Variants in BOLL observed in about 807,000 individuals in gnomAD.
BOLL encodes boule RNA binding protein.
In BOLL, 23 loss-of-function variants were observed where a neutral mutation model predicts 44.4. The observed-to-expected ratio is 0.52, with a 90% confidence interval of 0.37 to 0.73. The LOEUF (loss-of-function observed/expected upper bound fraction) is 0.73, where lower values mean the gene tolerates loss of function less well. Among genes scored for constraint, BOLL ranks in the 30% least tolerant of loss-of-function variants. The pLI is 0.00. For missense variants in BOLL, 287 were observed against 338.3 expected (o/e 0.85, Z 1.19); for synonymous variants, 97 against 110.8 (o/e 0.88, Z 0.78).
chr2:197,749,837 C>T (rs1281068687), intron 9 of BOLL, among the ~76,000 whole-genome samples: 2 of 152,046 alleles, frequency 1.3e-5, no homozygotes, highest in African/African-American at 4.8e-5. Flanking sequence ...GGAGAACTTC[C>T]TCAACCTAGC....
At position 197,746,189 on chromosome 2, in the gene BOLL, C is replaced by T. The variant is rs555456540; in HGVS notation, c.730-3030G>A. Among the ~76,000 whole-genome samples, 25 of 152,254 alleles carry T rather than the reference C, an allele frequency of 1.6e-4. No homozygotes were observed. The East Asian group carries it at 2.3e-3, about 14-fold the overall frequency. On this transcript the variant is annotated intron_variant, in intron 9 of 10. Coordinates refer to ENST00000392296, the MANE Select transcript of BOLL (RefSeq NM_033030.6). Reference sequence around the variant, plus strand: ...GTGGAGGAAAGGGAATCCTTGTACACTGCTGGTGGGAATGTAAATTAGTAT... The same window carrying T: ...GTGGAGGAAAGGGAATCCTTGTACATTGCTGGTGGGAATGTAAATTAGTAT...
At chr2:197,760,758 C>T (rs948437363) in intron 7 of BOLL, among the ~76,000 whole-genome samples, 2 of 151,824 alleles carry the variant, frequency 1.3e-5, no homozygotes, top group African/African-American at 4.9e-5. Context: ...CTAGCAGATT[C>T]AATCTAAACA....
rs112208254 is a variant in BOLL at position 197,729,257 on chromosome 2, G to T, written c.829-679C>A. ...CGGGTCACTACTGCGCTTTTCCGAC[G>T]GGCTTAAAAAACGGCGCACCACGAG... On this transcript the variant is annotated intron_variant, in intron 10 of 10. Transcript: ENST00000392296. Among the ~76,000 whole-genome samples, 12 of 152,298 alleles carry T rather than the reference G, an allele frequency of 7.9e-5. 1 individual carries two copies. The Middle Eastern group carries it at 0.01, about 130-fold the overall frequency.
At chr2:197,780,477 T>C (rs1437996527) in intron 2 of BOLL, among the ~76,000 whole-genome samples, 1 of 152,116 alleles carries the variant, frequency 6.6e-6, no homozygotes, top group Non-Finnish European at 1.5e-5. Flanking sequence ...GATAACTTAT[T>C]TTTAAAAACA....
At chr2:197,732,426 T>C (rs1687235251) in intron 10 of BOLL, among the ~76,000 whole-genome samples, 1 of 151,920 alleles carries the variant, frequency 6.6e-6, no homozygotes, top group Admixed American at 6.5e-5. Context: ...TTCCAATCAA[T>C]AGAAAAAGAG....
intron 2 of BOLL, among the ~76,000 whole-genome samples, 186 bp from the exon 3 acceptor site, chr2:197,779,252 GC>G (rs1689658175): frequency 1.3e-5 from 2 of 151,942 alleles, no homozygotes; most frequent in Non-Finnish European, 2.9e-5. Flanking sequence ...TTATGCAATA[GC>G]TATGTTGTTA....
intron 10 of BOLL, among the ~76,000 whole-genome samples, chr2:197,742,584 T>C (rs1449081599): frequency 6.6e-6 from 1 of 151,812 alleles, no homozygotes; most frequent in African/African-American, 2.4e-5. Flanking sequence ...AAACACCGCA[T>C]GTTCTCACTC....
chr2:197,752,594 A>C (rs1204466589), intron 9 of BOLL, among the ~76,000 whole-genome samples: 1 of 152,196 alleles, frequency 6.6e-6, no homozygotes, highest in African/African-American at 2.4e-5. Context: ...TACAACTTAC[A>C]AGGGATGTGA....
At chr2:197,782,131 ATTAC>A (rs1194209396) in intron 1 of BOLL, among the ~76,000 whole-genome samples, 4 of 152,276 alleles carry the variant, frequency 2.6e-5, no homozygotes, top group Non-Finnish European at 5.9e-5. Flanking sequence ...TATCAAACCT[ATTAC>A]TTAATTATTA....
At chr2:197,751,345 T>A (rs979618766) in intron 9 of BOLL, among the ~76,000 whole-genome samples, 8 of 151,270 alleles carry the variant, frequency 5.3e-5, no homozygotes, top group Non-Finnish European at 4.4e-5. Flanking sequence ...TCAAAAAAAA[T>A]CAATGAATCC....
At chr2:197,745,877 T>G (rs1345636796) in intron 9 of BOLL, among the ~76,000 whole-genome samples, 1 of 152,196 alleles carries the variant, frequency 6.6e-6, no homozygotes, top group Non-Finnish European at 1.5e-5. Context: ...TATGTATTGG[T>G]CAGAGTGAGG....
chr2:197,739,986 C>T (rs569109564), intron 10 of BOLL, among the ~76,000 whole-genome samples: 14 of 152,200 alleles, frequency 9.2e-5, no homozygotes, highest in South Asian at 2.1e-4. Flanking sequence ...TAAATGTTAA[C>T]GACAGAAGAA....
intron 9 of BOLL, among the ~76,000 whole-genome samples, chr2:197,745,416 G>A (rs1687946136): frequency 6.6e-6 from 1 of 152,040 alleles, no homozygotes; most frequent in Non-Finnish European, 1.5e-5. Context: ...CAAATATTTT[G>A]TATGGAAATA....
intron 10 of BOLL, among the ~76,000 whole-genome samples, chr2:197,740,790 A>G (rs700645): frequency 0.72 from 109,840 of 152,024 alleles, 40,868 homozygotes; most frequent in African/African-American, 0.9. Flanking sequence ...TCAACTTGGG[A>G]TGAGGAAAAG....
In BOLL at chr2:197,785,084, C is replaced by T. The variant is rs1690005675; in HGVS notation, c.-44G>A. The T allele has an allele frequency of 2.0e-6, 2 of 986,008 alleles. No individual in the cohort carries two copies. The highest frequency in any genetic ancestry group is 2.4e-6 in the Non-Finnish European group (2 of 829,934). 61.1% of individuals were successfully genotyped at this position (986,008 alleles called of 1,614,324 possible). On this transcript the variant is annotated 5_prime_UTR_variant, in exon 1 of 11. Coordinates refer to ENST00000392296, the MANE Select transcript of BOLL (RefSeq NM_033030.6). The surrounding 1 kb of genome is among the most constrained non-coding windows in gnomAD (Gnocchi z 6.7). ...CGCAGTCACTGCCTCGGCGCTCCTC[C>T]CCCTCCAAGGCCAGCAAGTTGCGGC...
At chr2:197,737,090 T>C (rs1165736882) in intron 10 of BOLL, among the ~76,000 whole-genome samples, 1 of 152,084 alleles carries the variant, frequency 6.6e-6, no homozygotes, top group Non-Finnish European at 1.5e-5. Context: ...ATTTCATTTT[T>C]CCTGTTTTTC....
intron 9 of BOLL, among the ~76,000 whole-genome samples, chr2:197,754,786 C>G (rs1042458426): frequency 7.1e-6 from 1 of 140,064 alleles, no homozygotes; most frequent in African/African-American, 2.7e-5. Context: ...CACACACACA[C>G]AAACCATAGA....
rs373631933 is a variant in BOLL, at chr2:197,732,609, A to T, written c.829-4031T>A. On this transcript the variant is annotated intron_variant, in intron 10 of 10. Coordinates refer to ENST00000392296, the MANE Select transcript of BOLL (RefSeq NM_033030.6). ...CAGCAGCACATCAAAAAGCTTATCC[A>T]CCATGATCAAGTGGGCTTCATCCCT... Among the ~76,000 whole-genome samples the T allele has an allele frequency of 6.0e-5, 9 of 151,090 alleles. No individual in the cohort carries two copies. The East Asian group carries it at 1.7e-3, about 29-fold the overall frequency.
At chr2:197,782,944 A>AAT (rs1046319446) in intron 1 of BOLL, among the ~76,000 whole-genome samples, 2 of 152,104 alleles carry the variant, frequency 1.3e-5, no homozygotes, top group African/African-American at 4.8e-5. Context: ...AATTTTAATA[A>AAT]ATATATATAA....
Sources: allele counts gnomAD v4.1 joint callset (sites outside exome capture counted in the v4.1 genomes callset), GRCh38; gene constraint gnomAD v4.1.1; non-coding constraint Gnocchi (gnomAD v3.1); transcripts MANE v1.5; gene names NCBI Gene and HGNC (gene_info 2026-07-23, HGNC 2026-07-21).